Variants in SNCAIP observed in about 807,000 individuals in gnomAD.
SNCAIP encodes the protein synphilin-1.
In SNCAIP, 43 loss-of-function variants were observed where a neutral mutation model predicts 86.7. The ratio of observed to expected loss-of-function variants is 0.50; its 90% CI spans 0.39 to 0.64. SNCAIP has a LOEUF of 0.64. Among genes scored for constraint, SNCAIP ranks in the 30% least tolerant of loss-of-function variants. The probability of loss-of-function intolerance (pLI) is 0.00; values close to 1 mark genes in which losing one functional copy is unlikely to be tolerated. For missense variants in SNCAIP, 981 were observed against 1,103.1 expected, an observed-to-expected ratio of 0.89 and a Z score of 1.57; for synonymous variants, 417 against 427.2, an observed-to-expected ratio of 0.98 and a Z score of 0.29.
At chr5:122,420,111 TCTCA>T (rs2080411071) in intron 3 of SNCAIP, among the ~76,000 whole-genome samples, 2 of 152,094 alleles carry the variant, frequency 1.3e-5, no homozygotes, top group African/African-American at 4.8e-5. Context: ...AAAACACAGA[TCTCA>T]CTCACAGCCT....
intron 1 of SNCAIP, among the ~76,000 whole-genome samples, chr5:122,352,497 T>C: frequency 6.6e-6 from 1 of 152,198 alleles, no homozygotes. Context: ...TCCTTAATCC[T>C]CTGTTACAAG....
chr5:122,408,985 C>A (rs1773575980), intron 3 of SNCAIP, among the ~76,000 whole-genome samples: 1 of 152,158 alleles, frequency 6.6e-6, no homozygotes, highest in South Asian at 2.1e-4. Context: ...AGTCTCCAGA[C>A]CCCCTGTGGG....
At chr5:122,351,232 GA>G (rs1258707524) in intron 1 of SNCAIP, among the ~76,000 whole-genome samples, 1 of 152,016 alleles carries the variant, frequency 6.6e-6, no homozygotes, top group Non-Finnish European at 1.5e-5. Context: ...TTTGATTGCA[GA>G]AGAAAATTTA....
At chr5:122,379,584 G>A (rs1268287994) in intron 1 of SNCAIP, among the ~76,000 whole-genome samples, 4 of 149,930 alleles carry the variant, frequency 2.7e-5, no homozygotes, top group African/African-American at 9.8e-5. Flanking sequence ...ACGTTGAATA[G>A]GAGTGGTGAG....
intron 2 of SNCAIP, among the ~76,000 whole-genome samples, chr5:122,400,215 G>A (rs139843641): frequency 4.6e-5 from 7 of 151,970 alleles, no homozygotes; most frequent in Non-Finnish European, 8.8e-5. Context: ...TGCGAGATGA[G>A]GCTGAGCTCA....
chr5:122,439,665 A>T (rs932344132), intron 6 of SNCAIP, among the ~76,000 whole-genome samples: 16 of 152,214 alleles, frequency 1.1e-4, no homozygotes, highest in Non-Finnish European at 2.2e-4. Context: ...GGAAAAAAAA[A>T]TCCTTTAAAA....
At chr5:122,348,162 A>G (rs926865148) in intron 1 of SNCAIP, among the ~76,000 whole-genome samples, 1 of 152,144 alleles carries the variant, frequency 6.6e-6, no homozygotes, top group Non-Finnish European at 1.5e-5. Flanking sequence ...TTTCGTAACA[A>G]TTGGGATACA....
intron 7 of SNCAIP, chr5:122,443,631 T>C (rs540254947): frequency 3.5e-5 from 16 of 456,956 alleles, no homozygotes; most frequent in South Asian, 1.9e-4. Context: ...TACACACCAC[T>C]TTAGCTCCTA....
chr5:122,324,348 C>T (rs561286171), intron 1 of SNCAIP, among the ~76,000 whole-genome samples: 7 of 152,304 alleles, frequency 4.6e-5, no homozygotes, highest in South Asian at 2.1e-4. Context: ...CTCCAGCATG[C>T]GTGCTCATGA....
intron 1 of SNCAIP, among the ~76,000 whole-genome samples, chr5:122,367,359 T>C (rs1231007827): frequency 1.3e-5 from 2 of 152,210 alleles, no homozygotes; most frequent in East Asian, 1.9e-4. Context: ...AACTAAATTG[T>C]GCTGGGTTAG....
chr5:122,404,518 A>G (rs543096017), intron 3 of SNCAIP, among the ~76,000 whole-genome samples: 1 of 152,290 alleles, frequency 6.6e-6, no homozygotes, highest in Admixed American at 6.5e-5. Flanking sequence ...TTTTCCTTCT[A>G]TGATGGGCAA....
intron 6 of SNCAIP, chr5:122,437,016 G>A (rs949415350): frequency 2.6e-5 from 4 of 152,190 alleles, no homozygotes; most frequent in African/African-American, 9.6e-5. Context: ...GCCATTCTGG[G>A]AAACAAATGA....
At chr5:122,428,678 T>C (rs181445436) in intron 5 of SNCAIP, among the ~76,000 whole-genome samples, 180 of 152,168 alleles carry the variant, frequency 1.2e-3, no homozygotes, top group African/African-American at 4.2e-3. Context: ...TGGGCCGTGT[T>C]GGTTTGCTGC....
At chr5:122,325,288 G>GTT (rs1753791320) in intron 1 of SNCAIP, among the ~76,000 whole-genome samples, 1 of 152,136 alleles carries the variant, frequency 6.6e-6, no homozygotes, top group Admixed American at 6.5e-5. Context: ...GGCCAATGGG[G>GTT]TGGATCAGCA....
At chr5:122,366,801 C>T (rs1054218994) in intron 1 of SNCAIP, among the ~76,000 whole-genome samples, 7 of 151,938 alleles carry the variant, frequency 4.6e-5, no homozygotes, top group African/African-American at 1.7e-4. Context: ...TGGGAAAATT[C>T]TGAAAGGTTT....
intron 1 of SNCAIP, among the ~76,000 whole-genome samples, chr5:122,356,076 G>T: frequency 6.9e-6 from 1 of 145,868 alleles, no homozygotes; most frequent in Admixed American, 6.9e-5. Flanking sequence ...ATAATATAAT[G>T]TTGCAAGAGT....
intron 7 of SNCAIP, among the ~76,000 whole-genome samples, chr5:122,442,871 A>C (rs1319976878): frequency 6.6e-6 from 1 of 152,148 alleles, no homozygotes; most frequent in Non-Finnish European, 1.5e-5. Context: ...AACTTGGATA[A>C]TCTTGGAAGG....
At chr5:122,411,466 T>G (rs2152896732) in intron 3 of SNCAIP, among the ~76,000 whole-genome samples, 1 of 152,296 alleles carries the variant, frequency 6.6e-6, no homozygotes, top group Admixed American at 6.5e-5. Flanking sequence ...CCTGAAAGCA[T>G]ACCCTTTTGC....
chr5:122,442,479 G>A (rs1370787775), intron 7 of SNCAIP, among the ~76,000 whole-genome samples: 1 of 152,152 alleles, frequency 6.6e-6, no homozygotes, highest in East Asian at 1.9e-4. Context: ...TTGGCAAAGT[G>A]TGCATCTTCT....
Sources: gnomAD v4.1 joint callset for allele counts (sites outside exome capture counted in the v4.1 genomes callset) on GRCh38, gnomAD v4.1.1 for gene constraint, MANE v1.5 for transcripts, NCBI Gene and HGNC (gene_info 2026-07-23, HGNC 2026-07-21) for gene names.